The following ADGRG7 variants were observed in gnomAD, a reference collection of about 807,000 sequenced individuals.
ADGRG7 encodes adhesion G protein-coupled receptor G7.
Under a neutral mutation model 88.6 loss-of-function variants are expected in ADGRG7, and 82 were observed. That is an observed-to-expected ratio of 0.93 (90% CI 0.77 to 1.11). The LOEUF is 1.11. Ranked by LOEUF, ADGRG7 falls within the 50% of genes most tolerant of loss-of-function variation. The probability of loss-of-function intolerance (pLI) is 0.00; values close to 1 mark genes in which losing one functional copy is unlikely to be tolerated. For missense variants in ADGRG7, 945 were observed against 953.4 expected, an observed-to-expected ratio of 0.99 and a Z score of 0.12; for synonymous variants, 381 against 345.2, an observed-to-expected ratio of 1.10 and a Z score of -1.15.
At chr3:100,633,781 C>T (rs971633156) in intron 4 of ADGRG7, among the ~76,000 whole-genome samples, 2 of 152,142 alleles carry the variant, frequency 1.3e-5, no homozygotes, top group African/African-American at 2.4e-5. Context: ...CTCAGCCTCC[C>T]GAAGTGCAGG....
chr3:100,659,495 T>C (rs2094942319), intron 13 of ADGRG7, among the ~76,000 whole-genome samples, 193 bp from the exon 14 acceptor site: 1 of 147,568 alleles, frequency 6.8e-6, no homozygotes, highest in African/African-American at 2.5e-5. Context: ...TTTAAAGTTA[T>C]AGTATATTAT....
At chr3:100,645,905 C>T (rs1393535683) in intron 8 of ADGRG7, 40 bp from the exon 9 acceptor site, 20 of 1,567,616 alleles carry the variant, frequency 1.3e-5, no homozygotes, top group Non-Finnish European at 1.7e-5. Context: ...GTTTACCTTA[C>T]AGTGCACTTA....
intron 10 of ADGRG7, among the ~76,000 whole-genome samples, chr3:100,647,177 C>CA (rs143053008): frequency 8.6e-5 from 13 of 151,508 alleles, no homozygotes; most frequent in Admixed American, 1.3e-4. Context: ...ACAAAACAAA[C>CA]AAAAAAAATA....
intron 14 of ADGRG7, among the ~76,000 whole-genome samples, chr3:100,663,117 C>A (rs575269032): frequency 6.6e-6 from 1 of 152,166 alleles, no homozygotes; most frequent in African/African-American, 2.4e-5. Context: ...GCTCTTAGCT[C>A]CTGTTAAAGA....
chr3:100,671,252 G>A (rs1314061267), intron 15 of ADGRG7, among the ~76,000 whole-genome samples: 5 of 152,224 alleles, frequency 3.3e-5, no homozygotes, highest in African/African-American at 1.2e-4. Context: ...TCTAATTGGT[G>A]TGAGATGGTA....
intron 14 of ADGRG7, among the ~76,000 whole-genome samples, chr3:100,667,447 A>C (rs1205202522): frequency 6.6e-6 from 1 of 152,102 alleles, no homozygotes; most frequent in East Asian, 1.9e-4. Context: ...TGATCTTGTA[A>C]TAGCTTGCTC....
intron 15 of ADGRG7, among the ~76,000 whole-genome samples, chr3:100,684,484 TCTTGAA>T (rs2094978957): frequency 1.3e-5 from 2 of 152,168 alleles, no homozygotes; most frequent in East Asian, 3.9e-4. Context: ...TCCAGGCTGT[TCTTGAA>T]CTCCTGGGCT....
chr3:100,676,024 T>A (rs1466399704), intron 15 of ADGRG7, among the ~76,000 whole-genome samples: 1 of 152,080 alleles, frequency 6.6e-6, no homozygotes, highest in East Asian at 1.9e-4. Flanking sequence ...TGACTAAATG[T>A]TTGTCAATTT....
At chr3:100,637,498 G>A in intron 6 of ADGRG7, 96 bp downstream of exon 6, 2 of 821,348 alleles carry the variant, frequency 2.4e-6, no homozygotes, top group Non-Finnish European at 2.0e-6. Flanking sequence ...TTCTCTCATG[G>A]ATGCAGTAAC....
intron 10 of ADGRG7, among the ~76,000 whole-genome samples, chr3:100,647,457 T>C (rs762763372): frequency 4.5e-4 from 69 of 152,320 alleles, no homozygotes; most frequent in Non-Finnish European, 9.0e-4. Flanking sequence ...CCAATGAAAT[T>C]GCTCAGGTTA....
chr3:100,611,303 T>TCTTCCTTCCTTC (rs56353986), intron 1 of ADGRG7, among the ~76,000 whole-genome samples: 3 of 124,354 alleles, frequency 2.4e-5, no homozygotes, highest in Non-Finnish European at 4.7e-5. Context: ...TTCCTTCCTT[T>TCTTCCTTCCTTC]CTTCTTTCCT....
intron 15 of ADGRG7, among the ~76,000 whole-genome samples, chr3:100,674,798 C>T (rs1276118751): frequency 6.6e-6 from 1 of 152,098 alleles, no homozygotes; most frequent in South Asian, 2.1e-4. Flanking sequence ...AGGATGGTAT[C>T]GATCTCCTGA....
At chr3:100,632,547 T>A (rs1002948969) in intron 3 of ADGRG7, among the ~76,000 whole-genome samples, 1 of 152,166 alleles carries the variant, frequency 6.6e-6, no homozygotes, top group Non-Finnish European at 1.5e-5. Context: ...ATGTTAGAAA[T>A]TTTCATTATG....
chr3:100,668,278 T>C (rs1265329381), intron 14 of ADGRG7, among the ~76,000 whole-genome samples: 2 of 152,194 alleles, frequency 1.3e-5, no homozygotes, highest in Non-Finnish European at 2.9e-5. Context: ...TGGTTGGTGT[T>C]TGGTTGGTTT....
chr3:100,692,080 A>G (rs2094994869), intron 15 of ADGRG7, among the ~76,000 whole-genome samples: 1 of 152,220 alleles, frequency 6.6e-6, no homozygotes, highest in African/African-American at 2.4e-5. Context: ...GTAAAATGTC[A>G]TTGAGGAGGA....
At chr3:100,632,940 A>G (rs1391274534) in intron 3 of ADGRG7, among the ~76,000 whole-genome samples, 2 of 152,220 alleles carry the variant, frequency 1.3e-5, no homozygotes, top group South Asian at 2.1e-4. Context: ...AGATCAACAT[A>G]TAATTCAGTA....
intron 15 of ADGRG7, 123 bp downstream of exon 15, chr3:100,669,228 T>C: frequency 1.6e-6 from 1 of 629,828 alleles, no homozygotes; most frequent in East Asian, 3.6e-5. Context: ...GGCTCACGCC[T>C]GTAATGCCAG....
intron 1 of ADGRG7, among the ~76,000 whole-genome samples, chr3:100,612,576 A>T (rs1361423114): frequency 6.6e-6 from 1 of 152,252 alleles, no homozygotes; most frequent in Non-Finnish European, 1.5e-5. Flanking sequence ...TGATATAATC[A>T]TAGACAGATG....
In ADGRG7 at chr3:100,695,004, A is replaced by G; in HGVS notation, c.*3A>G. 4 of 1,610,922 alleles carry G rather than the reference A, an allele frequency of 2.5e-6. No individual in the cohort carries two copies. Among genetic ancestry groups the G allele is most frequent in the South Asian group, 1.1e-5 (1 of 90,680 alleles). The stretch of plus-strand genomic sequence containing the variant: ...ACAATGCAAAGGAAAGCATCTAGAC[A>G]GTAAAACTTACCTGTTGTGGTCTTT... On this transcript the variant is annotated 3_prime_UTR_variant, in exon 16 of 16. Transcript: ENST00000273352.
Sources: allele counts gnomAD v4.1 joint callset (sites outside exome capture counted in the v4.1 genomes callset), GRCh38; gene constraint gnomAD v4.1.1; transcripts MANE v1.5; gene names NCBI Gene and HGNC (gene_info 2026-07-23, HGNC 2026-07-21).